The following DOCK2 variants were observed in gnomAD, a reference collection of about 807,000 sequenced individuals.
DOCK2 encodes dedicator of cytokinesis 2, also known as dedicator of cytokinesis protein 2.
A neutral mutation model predicts 248.9 loss-of-function variants in DOCK2; 87 were observed. The observed-to-expected ratio is 0.35, with a 90% CI of 0.29 to 0.42. The LOEUF (loss-of-function observed/expected upper bound fraction) is 0.42. Ranked by LOEUF, DOCK2 falls within the 10% of genes least tolerant of loss-of-function variation. The pLI, the probability that DOCK2 is intolerant of heterozygous loss-of-function variation, is 1.00. For missense variants in DOCK2, 1,747 were observed against 2,300.2 expected, an observed-to-expected ratio of 0.76 and a Z score of 4.92; for synonymous variants, 805 against 821.6, an observed-to-expected ratio of 0.98 and a Z score of 0.35.
chr5:169,840,162 C>T (rs959106658), intron 26 of DOCK2, among the ~76,000 whole-genome samples: 6 of 152,186 alleles, frequency 3.9e-5, no homozygotes, highest in Non-Finnish European at 8.8e-5. Context: ...GACACTTTTA[C>T]TCACGGTAGA....
rs113862012 is a variant in DOCK2 at position 170,022,681 on chromosome 5, G to A, written c.3381+3573G>A. On this transcript the variant is annotated intron_variant, in intron 33 of 51. Transcript: ENST00000520908. Reference sequence around the variant, plus strand: ...GTCAGAATGAAACGTATCCTATCCTGCCTGGATTGAGCGGTCATCACACTT... The same window carrying A: ...GTCAGAATGAAACGTATCCTATCCTACCTGGATTGAGCGGTCATCACACTT... Among the ~76,000 whole-genome samples the A allele has an allele frequency of 4.3e-3, 661 of 152,186 alleles. 3 individuals carry two copies. Among genetic ancestry groups the A allele is most frequent in the African/African-American group, 0.015 (622 of 41,498 alleles).
chr5:169,910,282 G>A (rs114153590), intron 27 of DOCK2, among the ~76,000 whole-genome samples: 2,233 of 152,252 alleles, frequency 0.015, 51 homozygotes, highest in African/African-American at 0.051. Context: ...GTTCCAAGCC[G>A]GTTACCACCG....
At chr5:169,765,954 T>C (rs1764761183) in intron 25 of DOCK2, among the ~76,000 whole-genome samples, 1 of 152,182 alleles carries the variant, frequency 6.6e-6, no homozygotes, top group Non-Finnish European at 1.5e-5. Flanking sequence ...TGGACAACGG[T>C]TGGGGAAAAG....
At chr5:169,783,207 C>A (rs1200635255) in intron 25 of DOCK2, among the ~76,000 whole-genome samples, 1 of 152,186 alleles carries the variant, frequency 6.6e-6, no homozygotes, top group Non-Finnish European at 1.5e-5. Context: ...CAAAGAACTT[C>A]AGAAATTGGA....
At chr5:169,769,322 A>G (rs1472018494) in intron 25 of DOCK2, among the ~76,000 whole-genome samples, 1 of 152,168 alleles carries the variant, frequency 6.6e-6, no homozygotes, top group African/African-American at 2.4e-5. Flanking sequence ...CTTTAGCCCC[A>G]GAGGGGATGT....
intron 22 of DOCK2, among the ~76,000 whole-genome samples, chr5:169,740,290 C>CT (rs148674610): frequency 0.13 from 19,523 of 149,596 alleles, 1,484 homozygotes; most frequent in Non-Finnish European, 0.19. Context: ...TTGTTAACTT[C>CT]TTTTTTTTTT....
intron 14 of DOCK2, chr5:169,703,945 A>C (rs1052038359): frequency 1.3e-5 from 2 of 152,232 alleles, no homozygotes; most frequent in African/African-American, 4.8e-5. Context: ...CCAAAGGACA[A>C]ATTAAAAGAC....
intron 35 of DOCK2, among the ~76,000 whole-genome samples, chr5:170,036,094 G>A (rs6898963): frequency 0.024 from 3,673 of 152,194 alleles, 78 homozygotes; most frequent in African/African-American, 0.048. Context: ...CTATTACCGA[G>A]GTGCTACCAC....
intron 44 of DOCK2, 98 bp from the exon 45 acceptor site, chr5:170,067,412 T>G (rs963792763): frequency 5.1e-5 from 67 of 1,312,456 alleles, no homozygotes; most frequent in Non-Finnish European, 6.9e-5. Flanking sequence ...CATTGCCTCA[T>G]TTGAATTCCC....
chr5:169,866,464 C>T (rs1306585458), intron 27 of DOCK2, among the ~76,000 whole-genome samples: 6 of 152,204 alleles, frequency 3.9e-5, no homozygotes, highest in Non-Finnish European at 8.8e-5. Context: ...GCTTAAATGC[C>T]ATGTGCATAT....
rs71955154 is a variant in DOCK2 at position 169,835,269 on chromosome 5, T to TG, written c.2704-5488_2704-5487insG. On this transcript the variant is annotated intron_variant, in intron 26 of 51. Transcript: ENST00000520908. ...AAGAGTGAAATGCCTGGTTTTTTTT[T>TG]TTTTTTTTTTGAGACTGCTCTGTTG... is the stretch of plus-strand genomic sequence containing the variant. 7.4e-3 allele frequency among the ~76,000 whole-genome samples: 1,110 copies of TG among 150,428 alleles called. 19 individuals are homozygous for TG. Among genetic ancestry groups the TG allele is most frequent in the African/African-American group, 0.026 (1,076 of 40,990 alleles).
In DOCK2 at chr5:170,056,694, T is replaced by C; in HGVS notation, c.4306T>C (p.Ser1436Pro). 1 of 1,613,942 alleles carries C rather than the reference T, an allele frequency of 6.2e-7. No homozygotes were observed. Among genetic ancestry groups the C allele is most frequent in the Non-Finnish European group, 8.5e-7 (1 of 1,179,952 alleles). ...CTTCCTGTCTTTCAGCTTCTACAAA[T>C]CCAACTACGTGCAAAGGTTCCACTA... ...VPDQIINFYK[S>P]NYVQRFHYSR... The change falls in exon 43 of 52, where the codon TCC becomes CCC. Residue 1436 changes from serine to proline, a missense_variant. Physicochemically the swap from Ser to Pro is moderately conservative, Grantham distance 74. Around this residue, in one of 4 missense-constraint regions of DOCK2, gnomAD observed 513 missense variants for 586.1 expected, o/e 0.88. Transcript: ENST00000520908.
chr5:169,705,567 G>A (rs73318208), intron 14 of DOCK2, among the ~76,000 whole-genome samples: 1,621 of 152,232 alleles, frequency 0.011, 36 homozygotes, highest in African/African-American at 0.037. Flanking sequence ...ACCAGCAATG[G>A]CACTTTGCTC....
intron 3 of DOCK2, among the ~76,000 whole-genome samples, chr5:169,670,187 A>T (rs540752366): frequency 1.3e-5 from 2 of 152,194 alleles, no homozygotes; most frequent in African/African-American, 2.4e-5. Flanking sequence ...CGTCTCGCTT[A>T]AAGTCAGTGA....
rs182223433 is a variant in DOCK2, at chr5:169,894,412, T to C, written c.2799+53560T>C. On this transcript the variant is annotated intron_variant, in intron 27 of 51. Transcript: ENST00000520908. ...CCCCTTCTCCTGACATAGATACACA[T>C]TGCACACCCACCAAGGACAACTGTT... 4.2e-3 allele frequency among the ~76,000 whole-genome samples: 641 copies of C among 152,184 alleles called. 7 individuals carry two copies. Among genetic ancestry groups the C allele is most frequent in the African/African-American group, 0.014 (601 of 41,520 alleles).
intron 26 of DOCK2, among the ~76,000 whole-genome samples, chr5:169,806,191 T>C (rs1422999573): frequency 6.6e-6 from 1 of 151,700 alleles, no homozygotes; most frequent in Non-Finnish European, 1.5e-5. Flanking sequence ...CATTGCCTCA[T>C]TGCCTGCATA....
chr5:170,078,925 C>T, intron 48 of DOCK2, 50 bp from the exon 49 acceptor site: 4 of 1,602,136 alleles, frequency 2.5e-6, no homozygotes, highest in Non-Finnish European at 3.4e-6. Flanking sequence ...CAAGGCAGTT[C>T]TACTGAAGCT....
At chr5:170,001,273 G>T (rs1057223602) in intron 30 of DOCK2, among the ~76,000 whole-genome samples, 1 of 152,098 alleles carries the variant, frequency 6.6e-6, no homozygotes, top group Non-Finnish European at 1.5e-5. Flanking sequence ...ATTGAAATTT[G>T]GGATAAATAA....
chr5:170,051,983 AC>A (rs1756933622), intron 41 of DOCK2, among the ~76,000 whole-genome samples: 1 of 152,214 alleles, frequency 6.6e-6, no homozygotes, highest in Non-Finnish European at 1.5e-5. Flanking sequence ...GTGCTGGGCA[AC>A]AGACAGGATT....
Sources: allele counts gnomAD v4.1 joint callset (sites outside exome capture counted in the v4.1 genomes callset), GRCh38; gene constraint gnomAD v4.1.1; regional missense constraint gnomAD v4.1.1; transcripts MANE v1.5; gene names NCBI Gene and HGNC (gene_info 2026-07-23, HGNC 2026-07-21).